Variants in IRAK3 observed in about 807,000 individuals in gnomAD.
IRAK3 encodes the protein interleukin-1 receptor-associated kinase 3.
A neutral mutation model predicts 56.6 loss-of-function variants in IRAK3; 57 were observed. The observed-to-expected ratio is 1.01, with a 90% CI of 0.81 to 1.26. IRAK3 has a LOEUF of 1.26. Among genes scored for constraint, IRAK3 ranks in the 50% most tolerant of loss-of-function variants. IRAK3 has a pLI of 0.00. For missense variants in IRAK3, 703 were observed against 719.0 expected (o/e 0.98, Z 0.25); for synonymous variants, 258 against 255.7 (o/e 1.01, Z -0.09).
At chr12:66,228,412 T>G in intron 8 of IRAK3, 42 bp downstream of exon 8, 1 of 1,310,466 alleles carries the variant, frequency 7.6e-7, no homozygotes, top group Non-Finnish European at 1.1e-6. Flanking sequence ...GAAAGCTTCT[T>G]TTATCCTCAC....
intron 6 of IRAK3, among the ~76,000 whole-genome samples, chr12:66,219,375 A>G (rs955703878): frequency 2.0e-5 from 3 of 152,150 alleles, no homozygotes; most frequent in Non-Finnish European, 4.4e-5. Flanking sequence ...ACAAGATCTG[A>G]TGGTTTTAAA....
intron 6 of IRAK3, among the ~76,000 whole-genome samples, chr12:66,225,828 A>T (rs921786282): frequency 7.2e-5 from 11 of 152,172 alleles, no homozygotes; most frequent in Non-Finnish European, 1.6e-4. Context: ...TCAACATCAA[A>T]CATTACTAGT....
chr12:66,224,819 A>G (rs893878978), intron 6 of IRAK3, among the ~76,000 whole-genome samples: 1 of 152,186 alleles, frequency 6.6e-6, no homozygotes, highest in Non-Finnish European at 1.5e-5. Context: ...TCTGTTTACC[A>G]CACCATGGGG....
At chr12:66,197,317 T>C (rs2052463885) in intron 1 of IRAK3, 4 of 1,046,764 alleles carry the variant, frequency 3.8e-6, no homozygotes, top group East Asian at 7.3e-5. Context: ...GTAAACAAAG[T>C]CCTATATTCT....
At chr12:66,244,736 T>C in intron 9 of IRAK3, 52 bp downstream of exon 9, 2 of 1,482,614 alleles carry the variant, frequency 1.3e-6, no homozygotes, top group Non-Finnish European at 1.9e-6. Flanking sequence ...AAGAATGTTC[T>C]AGATTCTAAG....
intron 1 of IRAK3, among the ~76,000 whole-genome samples, chr12:66,189,782 C>G (rs11465938): frequency 6.6e-6 from 1 of 152,132 alleles, no homozygotes; most frequent in Admixed American, 6.5e-5. Context: ...CAAAATCACC[C>G]CAGAACATCA....
At chr12:66,230,829 C>T (rs993716316) in intron 8 of IRAK3, among the ~76,000 whole-genome samples, 2 of 152,176 alleles carry the variant, frequency 1.3e-5, no homozygotes, top group Non-Finnish European at 2.9e-5. Flanking sequence ...GTTTGCTCCC[C>T]ACCCTCCTCC....
intron 1 of IRAK3, among the ~76,000 whole-genome samples, chr12:66,193,974 G>T (rs993553411): frequency 1.3e-5 from 2 of 152,130 alleles, no homozygotes; most frequent in Non-Finnish European, 2.9e-5. Flanking sequence ...GTCATCCAGG[G>T]TGAAGTGCAG....
At chr12:66,208,407 A>T (rs973797406) in intron 2 of IRAK3, among the ~76,000 whole-genome samples, 1 of 152,154 alleles carries the variant, frequency 6.6e-6, no homozygotes, top group Admixed American at 6.6e-5. Flanking sequence ...ATAAAAAAAT[A>T]AACTAACCCA....
chr12:66,218,102 C>T (rs760623894), intron 6 of IRAK3, among the ~76,000 whole-genome samples: 2 of 152,158 alleles, frequency 1.3e-5, no homozygotes, highest in Admixed American at 6.5e-5. Flanking sequence ...TTTCTCCCAC[C>T]ATTATCATCC....
intron 1 of IRAK3, among the ~76,000 whole-genome samples, chr12:66,194,550 G>A (rs866305679): frequency 3.3e-5 from 5 of 152,042 alleles, no homozygotes; most frequent in Middle Eastern, 3.2e-3. Context: ...TGCCCCTGCC[G>A]GACGCGGTGG....
At chr12:66,196,159 G>A (rs2052451203) in intron 1 of IRAK3, among the ~76,000 whole-genome samples, 1 of 151,912 alleles carries the variant, frequency 6.6e-6, no homozygotes, top group Non-Finnish European at 1.5e-5. Context: ...AGCTTCAAGG[G>A]AGCAGGGATA....
chr12:66,198,585 G>A (rs1477952584), intron 1 of IRAK3, among the ~76,000 whole-genome samples: 1 of 152,008 alleles, frequency 6.6e-6, no homozygotes, highest in Non-Finnish European at 1.5e-5. Context: ...TAAATTTTGT[G>A]CATATGTCTT....
At chr12:66,221,819 A>G (rs1203232630) in intron 6 of IRAK3, among the ~76,000 whole-genome samples, 1 of 152,196 alleles carries the variant, frequency 6.6e-6, no homozygotes, top group Non-Finnish European at 1.5e-5. Context: ...ACCTGAGGTC[A>G]GGAGTTCAAG....
chr12:66,192,766 T>C (rs1045655418), intron 1 of IRAK3, among the ~76,000 whole-genome samples: 2 of 152,174 alleles, frequency 1.3e-5, no homozygotes, highest in African/African-American at 4.8e-5. Context: ...GCCATTGTGG[T>C]AAGCATTTTA....
intron 1 of IRAK3, among the ~76,000 whole-genome samples, chr12:66,201,756 A>C (rs1416801735): frequency 6.6e-6 from 1 of 152,314 alleles, no homozygotes; most frequent in East Asian, 1.9e-4. Context: ...CTAGTAAAAC[A>C]TTTCCCTGAT....
At chr12:66,193,731 G>A (rs118050614) in intron 1 of IRAK3, among the ~76,000 whole-genome samples, 1 of 152,230 alleles carries the variant, frequency 6.6e-6, no homozygotes, top group East Asian at 1.9e-4. Flanking sequence ...TTATGGATTT[G>A]GGGGAGGAAA....
At chr12:66,211,915 A>T (rs1431437770) in intron 5 of IRAK3, among the ~76,000 whole-genome samples, 2 of 152,144 alleles carry the variant, frequency 1.3e-5, no homozygotes, top group Admixed American at 6.5e-5. Flanking sequence ...GTTTGAGACC[A>T]GCCTGATCAA....
intron 8 of IRAK3, chr12:66,235,100 T>A (rs948359888): frequency 6.2e-7 from 1 of 1,613,526 alleles, no homozygotes. Flanking sequence ...TCCTCGGATA[T>A]AGAGGTTCGT....
Sources: allele counts gnomAD v4.1 joint callset (sites outside exome capture counted in the v4.1 genomes callset), GRCh38; gene constraint gnomAD v4.1.1; transcripts MANE v1.5; gene names NCBI Gene and HGNC (gene_info 2026-07-23, HGNC 2026-07-21).